The following ANO4 variants were observed in gnomAD, a reference collection of about 807,000 sequenced individuals.
ANO4 encodes the protein anoctamin 4.
In ANO4, 69 loss-of-function variants were observed where a neutral mutation model predicts 141.9. The ratio of observed to expected loss-of-function variants is 0.49; its 90% CI spans 0.40 to 0.59. The LOEUF (loss-of-function observed/expected upper bound fraction) is 0.59. Ranked by LOEUF, ANO4 falls within the 20% of genes least tolerant of loss-of-function variation. The pLI, the probability that ANO4 is intolerant of heterozygous loss-of-function variation, is 0.00. For missense variants in ANO4, 894 were observed against 1,162.2 expected (o/e 0.77, Z 3.36); for synonymous variants, 350 against 394.3 (o/e 0.89, Z 1.33).
intron 1 of ANO4, among the ~76,000 whole-genome samples, chr12:100,878,356 C>A (rs954234): frequency 0.18 from 27,697 of 152,180 alleles, 2,966 homozygotes; most frequent in Middle Eastern, 0.3. Flanking sequence ...TTGTGTCCAA[C>A]ACAGGGTGGG....
intron 21 of ANO4, 130 bp from the exon 22 acceptor site, chr12:101,099,448 C>G: frequency 3.7e-6 from 3 of 806,026 alleles, no homozygotes; most frequent in Non-Finnish European, 5.8e-6. Context: ...TAACCTGAGG[C>G]TTTATTTCTT....
intron 5 of ANO4, among the ~76,000 whole-genome samples, chr12:100,945,012 G>T (rs1048579931): frequency 1.3e-5 from 2 of 152,048 alleles, no homozygotes; most frequent in Non-Finnish European, 2.9e-5. Flanking sequence ...CCTTTTATAG[G>T]ACATAAAATG....
At chr12:100,856,487 G>A (rs1035829428) in intron 1 of ANO4, among the ~76,000 whole-genome samples, 2 of 152,118 alleles carry the variant, frequency 1.3e-5, no homozygotes, top group African/African-American at 4.8e-5. Flanking sequence ...GTCAACTTCT[G>A]TAGCCAGCTG....
intron 3 of ANO4, among the ~76,000 whole-genome samples, chr12:100,764,226 A>G (rs1233333611): frequency 3.9e-5 from 6 of 152,202 alleles, no homozygotes; most frequent in African/African-American, 1.2e-4. Context: ...ACAGTGCAAT[A>G]TGGCATTATT....
At chr12:100,743,752 G>T (rs2076321579) in intron 3 of ANO4, among the ~76,000 whole-genome samples, 1 of 152,100 alleles carries the variant, frequency 6.6e-6, no homozygotes, top group Non-Finnish European at 1.5e-5. Flanking sequence ...ACACGTGCAG[G>T]TTTGCTACAT....
At chr12:101,001,087 A>G (rs1019675526) in intron 8 of ANO4, among the ~76,000 whole-genome samples, 3 of 152,226 alleles carry the variant, frequency 2.0e-5, no homozygotes, top group Admixed American at 2.0e-4. Context: ...TTAAAATTTT[A>G]ACTTCAGTAT....
intron 1 of ANO4, among the ~76,000 whole-genome samples, chr12:100,815,236 T>G (rs2035668446): frequency 6.6e-6 from 1 of 152,148 alleles, no homozygotes; most frequent in Non-Finnish European, 1.5e-5. Context: ...TTAAATCTGA[T>G]AAACCTGAAT....
At chr12:101,054,926 T>C (rs984071396) in intron 14 of ANO4, among the ~76,000 whole-genome samples, 2 of 152,222 alleles carry the variant, frequency 1.3e-5, no homozygotes, top group Non-Finnish European at 1.5e-5. Context: ...ATATATAGCA[T>C]TTTGTGTCTG....
chr12:100,850,337 C>T (rs1260641984), intron 1 of ANO4, among the ~76,000 whole-genome samples: 1 of 152,156 alleles, frequency 6.6e-6, no homozygotes. Flanking sequence ...ACCTACTGGT[C>T]ATGCCCAATG....
chr12:100,994,464 T>C (rs1033992247), intron 8 of ANO4, among the ~76,000 whole-genome samples: 2 of 152,312 alleles, frequency 1.3e-5, no homozygotes, highest in Admixed American at 6.5e-5. Flanking sequence ...AAAGGAAATA[T>C]GCAAGAAGAG....
At chr12:100,932,845 G>T (rs1336128070) in intron 3 of ANO4, among the ~76,000 whole-genome samples, 1 of 151,984 alleles carries the variant, frequency 6.6e-6, no homozygotes, top group Admixed American at 6.6e-5. Context: ...GCAATTTAAG[G>T]TCCTTGATCC....
At chr12:100,950,228 GAAAAAA>G (rs904060563) in intron 5 of ANO4, among the ~76,000 whole-genome samples, 2 of 150,132 alleles carry the variant, frequency 1.3e-5, no homozygotes, top group Non-Finnish European at 3.0e-5. Context: ...GGTCAGAAAA[GAAAAAA>G]AAAGAAAAAG....
intron 1 of ANO4, among the ~76,000 whole-genome samples, chr12:100,869,430 TAGAC>T (rs1416337889): frequency 6.6e-6 from 1 of 152,174 alleles, no homozygotes; most frequent in Admixed American, 6.5e-5. Flanking sequence ...CTGTTCTTCT[TAGAC>T]AGGGAGGACA....
intron 17 of ANO4, among the ~76,000 whole-genome samples, chr12:101,088,094 G>C (rs1344980702): frequency 3.3e-5 from 5 of 152,076 alleles, no homozygotes; most frequent in Admixed American, 2.0e-4. Context: ...CATCTACACA[G>C]TGGCCTCACG....
intron 1 of ANO4, among the ~76,000 whole-genome samples, chr12:100,801,824 G>A (rs960008079): frequency 1.3e-5 from 2 of 152,126 alleles, no homozygotes; most frequent in Non-Finnish European, 1.5e-5. Flanking sequence ...AATGGTATCA[G>A]GAACTCTAAA....
chr12:100,748,255 A>C lies in ANO4; in HGVS notation c.358+8150A>C, dbSNP rs1173555214. Reference sequence around the variant, plus strand: ...TTGTGACCAGATACTTTCAGAACGGATGCCAAAGGAAACAGGTTTGATTTC... The same window carrying C: ...TTGTGACCAGATACTTTCAGAACGGCTGCCAAAGGAAACAGGTTTGATTTC... On this transcript the variant is annotated intron_variant, in intron 3 of 29. Transcript: ENST00000644049. Among the ~76,000 whole-genome samples the C allele has an allele frequency of 2.6e-5, 4 of 152,318 alleles. No individual in the cohort carries two copies. The East Asian group carries it at 5.8e-4, about 22-fold the overall frequency.
At chr12:100,835,212 G>T (rs1377491638) in intron 1 of ANO4, among the ~76,000 whole-genome samples, 1 of 152,130 alleles carries the variant, frequency 6.6e-6, no homozygotes, top group African/African-American at 2.4e-5. Flanking sequence ...AGCTCTTTGA[G>T]GGAGTGATGT....
chr12:100,733,323 C>T (rs2031463579), intron 1 of ANO4, among the ~76,000 whole-genome samples: 1 of 152,206 alleles, frequency 6.6e-6, no homozygotes, highest in Non-Finnish European at 1.5e-5. Flanking sequence ...GCTCCCCTGC[C>T]TGCATCGTTT....
intron 1 of ANO4, among the ~76,000 whole-genome samples, chr12:100,837,763 G>A (rs2037012915): frequency 6.6e-6 from 1 of 150,456 alleles, no homozygotes; most frequent in South Asian, 2.1e-4. Context: ...CAAAGTCAGG[G>A]CAATAAAGGT....
Sources: allele counts gnomAD v4.1 joint callset (sites outside exome capture counted in the v4.1 genomes callset), GRCh38; gene constraint gnomAD v4.1.1; transcripts MANE v1.5; gene names NCBI Gene and HGNC (gene_info 2026-07-23, HGNC 2026-07-21).